CPAMD8: variants seen among roughly 807,000 people sequenced by gnomAD.
The protein encoded by CPAMD8 is C3 and PZP like alpha-2-macroglobulin domain containing 8, also known as C3 and PZP-like alpha-2-macroglobulin domain-containing protein 8.
CPAMD8 carries 146 observed loss-of-function variants against 224.7 expected under a neutral mutation model. The ratio of observed to expected loss-of-function variants is 0.65; its 90% CI spans 0.57 to 0.75. The LOEUF is 0.75. CPAMD8 is among the 30% of genes least tolerant of loss of function. CPAMD8 has a pLI of 0.00. For missense variants in CPAMD8, 2,301 were observed against 2,537.5 expected, an observed-to-expected ratio of 0.91 and a Z score of 2.00; for synonymous variants, 966 against 1,044.6, an observed-to-expected ratio of 0.92 and a Z score of 1.45.
Position 16,929,221 on chromosome 19 carries a change from G to A in CPAMD8, c.2865C>T (p.Thr955=). Residue 955 remains threonine (T), a synonymous_variant, in exon 24 of 42, where the codon ACC becomes ACT. Coordinates refer to ENST00000443236, the MANE Select transcript of CPAMD8 (RefSeq NM_015692.5). ...FCPSERVHIS[T]PNKYEFQYVQ... is the part of the protein sequence containing the mutation. Reference sequence around the variant, plus strand: ...CATACTGGAACTCATACTTGTTGGGGGTGGAGATGTGGACTCTCTCTGGAT... The same window carrying A: ...CATACTGGAACTCATACTTGTTGGGAGTGGAGATGTGGACTCTCTCTGGAT... 6.2e-7 allele frequency: 1 copy of A among 1,606,490 alleles called. No individual in the cohort carries two copies. The highest frequency in any genetic ancestry group is 8.5e-7 in the Non-Finnish European group (1 of 1,174,144).
chr19:16,997,218 G>T lies in CPAMD8; in HGVS notation c.988C>A (p.Gln330Lys). 9 of 1,561,534 alleles carry T rather than the reference G, an allele frequency of 5.8e-6. No homozygotes were observed. The highest frequency in any genetic ancestry group is 7.9e-6 in the Non-Finnish European group (9 of 1,132,300). The change falls in exon 11 of 42, where the codon CAG becomes AAG. Residue 330 changes from glutamine to lysine, a missense_variant. Gln to Lys is a moderately conservative substitution (Grantham distance 53). Around this residue, in one of 4 missense-constraint regions of CPAMD8, gnomAD observed 301 missense variants for 406.6 expected, o/e 0.74. Transcript: ENST00000443236. ...AMVTSVDGSQ[Q>K]VAFDDSTPVQ... ...GGGGTGGAGTCATCGAACGCGACCT[G>T]CTGGCTCCCGTCCACACTGGTCACC...
rs548797818 is a variant in CPAMD8 at position 16,898,578 on chromosome 19, C to A, written c.4849-584G>T. Among the ~76,000 whole-genome samples the A allele has an allele frequency of 6.6e-6, 1 of 152,074 alleles. No individual in the cohort carries two copies. Among genetic ancestry groups the A allele is most frequent in the Admixed American group, 6.6e-5 (1 of 15,256 alleles). ...AGTTACAGAACGGTTTCTTTCTCCC[C>A]CAAAGAAACCCCATCGCCATCAGCA... On this transcript the variant is annotated intron_variant, in intron 37 of 41. Coordinates refer to ENST00000443236, the MANE Select transcript of CPAMD8 (RefSeq NM_015692.5). This position sits in a 1 kb window ranked among gnomAD's most constrained non-coding sequence, Gnocchi z 4.2.
intron 22 of CPAMD8, among the ~76,000 whole-genome samples, chr19:16,943,350 C>G (rs2053968634): frequency 6.6e-6 from 1 of 151,976 alleles, no homozygotes; most frequent in Admixed American, 6.6e-5. Context: ...ATCACGTTTT[C>G]TAGGTTTATC....
intron 22 of CPAMD8, among the ~76,000 whole-genome samples, chr19:16,943,230 G>A (rs2053964477): frequency 6.6e-6 from 1 of 151,690 alleles, no homozygotes; most frequent in Admixed American, 6.6e-5. Flanking sequence ...TGCCCAGGCT[G>A]GTCTCAAACT....
At chr19:16,951,839 A>C in intron 20 of CPAMD8, 130 bp downstream of exon 20, 1 of 642,112 alleles carries the variant, frequency 1.6e-6, no homozygotes, top group African/African-American at 1.9e-5. Context: ...CCTCCTCAAC[A>C]TCATAGAGGC....
At position 16,899,558 on chromosome 19, in the gene CPAMD8, G is replaced by A. The variant is rs1454125419; in HGVS notation, c.4774-9C>T. On this transcript the variant is annotated splice_polypyrimidine_tract_variant and intron_variant, in intron 36 of 41. Coordinates refer to ENST00000443236, the MANE Select transcript of CPAMD8 (RefSeq NM_015692.5). This position sits in a 1 kb window ranked among gnomAD's most constrained non-coding sequence, Gnocchi z 5.4. Reference sequence around the variant, plus strand: ...TGCTTGTCAAGGAGCAGCTGCAGAGGAAGCCAGAAGTCAGGGTCCTCAGAC... The same window carrying A: ...TGCTTGTCAAGGAGCAGCTGCAGAGAAAGCCAGAAGTCAGGGTCCTCAGAC... 1 of 1,436,748 alleles carries A rather than the reference G, an allele frequency of 7.0e-7. No individual in the cohort carries two copies. The highest frequency in any genetic ancestry group is 9.8e-7 in the Non-Finnish European group (1 of 1,018,570). The allele number at this position is 1,436,748 out of a possible 1,614,324, so 89.0% of individuals were successfully genotyped here. A position where few individuals can be genotyped will look rare whatever the true frequency, so the allele number is the denominator to read the frequency against.
At chr19:17,021,901 C>T (rs1019659572) in intron 2 of CPAMD8, 129 bp downstream of exon 2, 2 of 762,000 alleles carry the variant, frequency 2.6e-6, no homozygotes, top group Admixed American at 3.0e-5. Context: ...CCCTCCCTCC[C>T]ATGCCCCTGG....
At chr19:16,947,562 G>A (rs1401878887) in intron 20 of CPAMD8, among the ~76,000 whole-genome samples, 1 of 152,130 alleles carries the variant, frequency 6.6e-6, no homozygotes, top group Non-Finnish European at 1.5e-5. Context: ...ATCCACTCCG[G>A]GACTCCAGAT....
Position 17,009,312 on chromosome 19 carries a change from G to A in CPAMD8, c.495C>T (p.Ala165=), listed in dbSNP as rs771919414. 6.2e-7 allele frequency: 1 copy of A among 1,614,078 alleles called. No homozygotes were observed. The highest frequency in any genetic ancestry group is 1.1e-5 in the South Asian group (1 of 91,078). Residue 165 remains alanine (A), a synonymous_variant, in exon 6 of 42, where the codon GCC becomes GCT. Transcript: ENST00000443236. ...NLRPVNEKLE[A]YILDPRGSRM... ...GACAGAGGCCACTCACCAGGATGTAGGCTTCCAGCTGTAATGAAGACACAG... is the reference window on the plus strand; with the variant it reads ...GACAGAGGCCACTCACCAGGATGTAAGCTTCCAGCTGTAATGAAGACACAG...
rs1259629649 is a variant in CPAMD8, at chr19:16,929,255, G to A, written c.2846-15C>T. ...GTGGACTCTCTCTGGATGGAGGAAA[G>A]GAGATGGGGAGTTGAGAGGGCACCT... On this transcript the variant is annotated splice_polypyrimidine_tract_variant and intron_variant, in intron 23 of 41. Coordinates refer to ENST00000443236, the MANE Select transcript of CPAMD8 (RefSeq NM_015692.5). 2 of 1,581,268 alleles carry A rather than the reference G, an allele frequency of 1.3e-6. No individual in the cohort carries two copies. The highest frequency in any genetic ancestry group is 2.3e-5 in the South Asian group (2 of 88,158).
At chr19:16,983,661 C>T (rs2055596835) in intron 13 of CPAMD8, among the ~76,000 whole-genome samples, 1 of 152,000 alleles carries the variant, frequency 6.6e-6, no homozygotes, top group African/African-American at 2.4e-5. Flanking sequence ...TGACGTGGGA[C>T]CCTAAAGGTG....
At chr19:17,012,985 C>G (rs961618459) in intron 3 of CPAMD8, among the ~76,000 whole-genome samples, 1 of 151,732 alleles carries the variant, frequency 6.6e-6, no homozygotes, top group Non-Finnish European at 1.5e-5. Context: ...GAGTTCAAGA[C>G]CAGCCTGGCC....
rs1363022073 is a variant in CPAMD8 at position 16,929,228 on chromosome 19, A to T, written c.2858T>A (p.Ile953Asn). 1 of 1,604,540 alleles carries T rather than the reference A, an allele frequency of 6.2e-7. No individual in the cohort carries two copies. Among genetic ancestry groups the T allele is most frequent in the East Asian group, 2.2e-5 (1 of 44,650 alleles). ...AFFCPSERVH[I>N]STPNKYEFQY... ...GAACTCATACTTGTTGGGGGTGGAG[A>T]TGTGGACTCTCTCTGGATGGAGGAA... The change falls in exon 24 of 42, where the codon ATC becomes AAC. Residue 953 changes from isoleucine (I) to asparagine (N), a missense_variant. Coordinates refer to ENST00000443236, the MANE Select transcript of CPAMD8 (RefSeq NM_015692.5).
At chr19:16,916,972 A>T (rs909138342) in intron 27 of CPAMD8, among the ~76,000 whole-genome samples, 9 of 152,140 alleles carry the variant, frequency 5.9e-5, no homozygotes, top group Admixed American at 5.9e-4. Context: ...CAGGGAAAGG[A>T]GGCAAGGACA....
chr19:17,001,301 A>C (rs2056307433), intron 9 of CPAMD8, among the ~76,000 whole-genome samples: 1 of 133,390 alleles, frequency 7.5e-6, no homozygotes, highest in African/African-American at 2.9e-5. Flanking sequence ...AGCCTGGGCG[A>C]CAGAGTAAGA....
At chr19:16,947,383 G>A (rs545322431) in intron 20 of CPAMD8, among the ~76,000 whole-genome samples, 156 bp from the exon 21 acceptor site, 61 of 152,084 alleles carry the variant, frequency 4.0e-4, no homozygotes, top group Admixed American at 9.2e-4. Context: ...TTCCATTTCC[G>A]ATCAGAACAA....
At chr19:16,945,881 G>A (rs546544552) in intron 21 of CPAMD8, among the ~76,000 whole-genome samples, 1 of 152,272 alleles carries the variant, frequency 6.6e-6, no homozygotes, top group South Asian at 2.1e-4. Context: ...AGGCTCATGT[G>A]TGCATATGCA....
rs150985810 is a variant in CPAMD8 at position 16,962,788 on chromosome 19, G to A, written c.2214-4873C>T. 9.7e-3 allele frequency among the ~76,000 whole-genome samples: 1,450 copies of A among 150,122 alleles called. 21 individuals are homozygous for A. The highest frequency in any genetic ancestry group is 0.033 in the African/African-American group (1,380 of 41,268). ...AAGGAAAAAATGTTAAGAGCAGCCA[G>A]AGAGAAAGGTCGGGTTAACCACAAA... On this transcript the variant is annotated intron_variant, in intron 18 of 41. Coordinates refer to ENST00000443236, the MANE Select transcript of CPAMD8 (RefSeq NM_015692.5).
intron 20 of CPAMD8, among the ~76,000 whole-genome samples, chr19:16,950,966 T>C (rs2054280660): frequency 1.3e-5 from 2 of 152,078 alleles, no homozygotes; most frequent in Non-Finnish European, 2.9e-5. Flanking sequence ...TTGGGCTACC[T>C]TACTAGCCCA....
Sources: allele counts gnomAD v4.1 joint callset (sites outside exome capture counted in the v4.1 genomes callset), GRCh38; gene constraint gnomAD v4.1.1; regional missense constraint gnomAD v4.1.1; non-coding constraint Gnocchi (gnomAD v3.1); transcripts MANE v1.5; gene names NCBI Gene and HGNC (gene_info 2026-07-23, HGNC 2026-07-21).